The following TIAM1 variants were observed in gnomAD, a reference collection of about 807,000 sequenced individuals.
The protein encoded by TIAM1 is rho guanine nucleotide exchange factor TIAM1.
A neutral mutation model predicts 163.5 loss-of-function variants in TIAM1; 65 were observed. That is an observed-to-expected ratio of 0.40 (90% confidence interval 0.33 to 0.49). The LOEUF is 0.49. TIAM1 is among the 20% of genes least tolerant of loss of function. The pLI is 0.77. For synonymous variants in TIAM1, 833 were observed against 810.1 expected, an observed-to-expected ratio of 1.03 and a Z score of -0.48; for missense variants, 1,789 against 2,044.7, an observed-to-expected ratio of 0.87 and a Z score of 2.41.
At chr21:31,451,760 T>TGTGTGTGTGTGTGTGA in intron 2 of TIAM1, among the ~76,000 whole-genome samples, 1 of 138,218 alleles carries the variant, frequency 7.2e-6, no homozygotes, top group African/African-American at 2.9e-5. Context: ...TGTGTGTGTG[T>TGTGTGTGTGTGTGTGA]GAGACACAGA....
At chr21:31,270,918 T>C (rs571633573) in intron 3 of TIAM1, among the ~76,000 whole-genome samples, 139 of 152,242 alleles carry the variant, frequency 9.1e-4, no homozygotes, top group Admixed American at 1.8e-3. Context: ...TTCCGCCTAC[T>C]CCACCAAGTT....
At chr21:31,449,586 C>T (rs1434077323) in intron 2 of TIAM1, among the ~76,000 whole-genome samples, 1 of 152,102 alleles carries the variant, frequency 6.6e-6, no homozygotes, top group African/African-American at 2.4e-5. Context: ...CCATGTTGGT[C>T]AGGCTGGTCT....
chr21:31,245,397 A>AG (rs2071447208), intron 6 of TIAM1, 91 bp downstream of exon 6: 3 of 692,852 alleles, frequency 4.3e-6, no homozygotes, highest in African/African-American at 1.9e-5. Context: ...AAAAAAAAAA[A>AG]GCAGTGGAGG....
At chr21:31,471,182 C>T (rs1056472825) in intron 1 of TIAM1, among the ~76,000 whole-genome samples, 7 of 152,212 alleles carry the variant, frequency 4.6e-5, no homozygotes, top group Non-Finnish European at 7.3e-5. Context: ...GCGGACCACA[C>T]AGGAAATGCC....
intron 11 of TIAM1, among the ~76,000 whole-genome samples, chr21:31,207,991 C>G (rs2086541194): frequency 6.6e-6 from 1 of 152,210 alleles, no homozygotes; most frequent in Admixed American, 6.5e-5. Flanking sequence ...TTGGACAGGA[C>G]TAACTTTTAC....
intron 4 of TIAM1, among the ~76,000 whole-genome samples, chr21:31,253,402 T>A (rs2071923908): frequency 6.6e-6 from 1 of 152,168 alleles, no homozygotes; most frequent in African/African-American, 2.4e-5. Flanking sequence ...TGGGCTCCTA[T>A]CTTTGCTGAG....
chr21:31,372,548 T>G (rs77290182), intron 2 of TIAM1, among the ~76,000 whole-genome samples: 4,401 of 152,030 alleles, frequency 0.029, 89 homozygotes, highest in Non-Finnish European at 0.042. Flanking sequence ...AGGGCCAAAG[T>G]TGAAACTGAG....
chr21:31,126,995 C>T (rs1423107351), intron 26 of TIAM1, 70 bp downstream of exon 26: 8 of 1,483,136 alleles, frequency 5.4e-6, no homozygotes, highest in Admixed American at 1.7e-5. Context: ...CAGAACACAA[C>T]GTAAGACACC....
chr21:31,377,033 C>CGT (rs2076698937), intron 2 of TIAM1, among the ~76,000 whole-genome samples: 1 of 80,920 alleles, frequency 1.2e-5, no homozygotes, highest in Non-Finnish European at 2.3e-5. Flanking sequence ...TCATTTTTGT[C>CGT]TTTTTTTTTT....
intron 2 of TIAM1, among the ~76,000 whole-genome samples, chr21:31,385,398 T>C (rs1477359847): frequency 6.6e-6 from 1 of 152,078 alleles, no homozygotes; most frequent in Non-Finnish European, 1.5e-5. Context: ...TTCAAAATCA[T>C]ACAAGCCACA....
intron 5 of TIAM1, among the ~76,000 whole-genome samples, chr21:31,246,342 C>T (rs959255228): frequency 6.6e-6 from 1 of 152,064 alleles, no homozygotes; most frequent in Non-Finnish European, 1.5e-5. Flanking sequence ...CACTGTGAAA[C>T]TAACAAGATA....
chr21:31,536,975 A>G (rs8130907), intron 1 of TIAM1, among the ~76,000 whole-genome samples: 2,938 of 152,332 alleles, frequency 0.019, 112 homozygotes, highest in African/African-American at 0.066. Context: ...AAGTGTTGGC[A>G]GGACTGCACT....
intron 2 of TIAM1, among the ~76,000 whole-genome samples, chr21:31,380,479 G>A (rs1320020448): frequency 2.0e-5 from 3 of 152,138 alleles, no homozygotes; most frequent in Non-Finnish European, 2.9e-5. Flanking sequence ...GGAGGCGGAG[G>A]ATGCAGTGAG....
rs540219997 is a variant in TIAM1 at position 31,177,105 on chromosome 21, A to G, written c.2887+5316T>C. Among the ~76,000 whole-genome samples, 3 of 152,346 alleles carry G rather than the reference A, an allele frequency of 2.0e-5. No homozygotes were observed. The South Asian group carries it at 6.2e-4, about 32-fold the overall frequency. On this transcript the variant is annotated intron_variant, in intron 15 of 27. Coordinates refer to ENST00000541036, the MANE Select transcript of TIAM1 (RefSeq NM_001353694.2). The stretch of plus-strand genomic sequence containing the variant: ...AGGCCAGGGAATCCTCATGTCCCCC[A>G]TAAGAGAATGGCTTCAGGTACAAAA...
intron 1 of TIAM1, among the ~76,000 whole-genome samples, chr21:31,472,188 A>G (rs1410736853): frequency 1.3e-5 from 2 of 152,118 alleles, no homozygotes; most frequent in African/African-American, 4.8e-5. Context: ...TAATCATAGT[A>G]CCTGTGTTTC....
At chr21:31,311,559 G>T (rs1405702821) in intron 2 of TIAM1, among the ~76,000 whole-genome samples, 1 of 152,264 alleles carries the variant, frequency 6.6e-6, no homozygotes, top group East Asian at 1.9e-4. Flanking sequence ...TATCAAGTGT[G>T]TGATGAGCAG....
At chr21:31,550,810 T>C (rs2048658888) in intron 1 of TIAM1, among the ~76,000 whole-genome samples, 1 of 152,180 alleles carries the variant, frequency 6.6e-6, no homozygotes, top group Non-Finnish European at 1.5e-5. Context: ...AGGACATCCA[T>C]TTCTAATTTC....
intron 2 of TIAM1, among the ~76,000 whole-genome samples, chr21:31,293,716 G>A (rs894666034): frequency 6.6e-6 from 1 of 152,170 alleles, no homozygotes; most frequent in Admixed American, 6.5e-5. Flanking sequence ...GCGAAGAGCG[G>A]CAAGTCTTGC....
intron 20 of TIAM1, among the ~76,000 whole-genome samples, chr21:31,146,067 C>T (rs1178756743): frequency 1.3e-5 from 2 of 152,146 alleles, no homozygotes; most frequent in Non-Finnish European, 2.9e-5. Flanking sequence ...AAACCCCCTA[C>T]GTTTTTACAT....
Sources: gnomAD v4.1 joint callset for allele counts (sites outside exome capture counted in the v4.1 genomes callset) on GRCh38, gnomAD v4.1.1 for gene constraint, MANE v1.5 for transcripts, NCBI Gene and HGNC (gene_info 2026-07-23, HGNC 2026-07-21) for gene names.